Variants in HDAC9 observed in about 807,000 individuals in gnomAD.
HDAC9 encodes MEF-2 interacting transcription repressor (MITR) protein.
In HDAC9, 41 loss-of-function variants were observed where a neutral mutation model predicts 139.4. That is an observed-to-expected ratio of 0.29 (90% CI 0.23 to 0.38). HDAC9 has a LOEUF of 0.38. Ranked by LOEUF, HDAC9 falls within the 10% of genes least tolerant of loss-of-function variation. The pLI, the probability that HDAC9 is intolerant of heterozygous loss-of-function variation, is 1.00. For missense variants in HDAC9, 1,147 were observed against 1,297.0 expected (o/e 0.88, Z 1.78); for synonymous variants, 517 against 476.2 (o/e 1.09, Z -1.12).
chr7:18,278,063 G>C (rs1183250051), intron 2 of HDAC9, among the ~76,000 whole-genome samples: 2 of 152,158 alleles, frequency 1.3e-5, no homozygotes, highest in Non-Finnish European at 2.9e-5. Context: ...GCACCATCTT[G>C]AACTTCCACA....
chr7:18,436,254 G>T (rs1162444648), intron 1 of HDAC9, among the ~76,000 whole-genome samples: 3 of 152,096 alleles, frequency 2.0e-5, no homozygotes, highest in African/African-American at 4.8e-5. Flanking sequence ...TGATTAAGAT[G>T]ATATTTTTAA....
At chr7:18,376,424 C>T (rs1427676768) in intron 1 of HDAC9, among the ~76,000 whole-genome samples, 1 of 152,192 alleles carries the variant, frequency 6.6e-6, no homozygotes, top group East Asian at 1.9e-4. Context: ...CATACTTCCT[C>T]ATGCTTCATA....
At chr7:18,538,248 G>C (rs943108535) in intron 2 of HDAC9, among the ~76,000 whole-genome samples, 8 of 152,016 alleles carry the variant, frequency 5.3e-5, no homozygotes, top group Non-Finnish European at 1.2e-4. Flanking sequence ...GTGTTGTCTG[G>C]TATCCTACTA....
rs576907750 is a variant in HDAC9 at position 18,815,127 on chromosome 7, G to C, written c.2323-14034G>C. ...GATTATTACTCTTATTGTGTGTTAT[G>C]ATCTTCAAAAAGGCTATGAACTTCT... On this transcript the variant is annotated intron_variant, in intron 17 of 25. Coordinates refer to ENST00000686413, the MANE Select transcript of HDAC9 (RefSeq NM_178425.4). 2.6e-5 allele frequency among the ~76,000 whole-genome samples: 4 copies of C among 151,912 alleles called. No homozygotes were observed. In the East Asian group the frequency reaches 7.7e-4, roughly 29 times the overall value.
intron 1 of HDAC9, among the ~76,000 whole-genome samples, chr7:18,365,783 T>G (rs942636125): frequency 6.6e-6 from 1 of 152,114 alleles, no homozygotes; most frequent in Non-Finnish European, 1.5e-5. Flanking sequence ...CAAATTATAG[T>G]TAAGCATTTT....
upstream of HDAC9, among the ~76,000 whole-genome samples, chr7:18,288,819 G>A (rs1448645394): frequency 6.6e-6 from 1 of 152,118 alleles, no homozygotes; most frequent in Non-Finnish European, 1.5e-5. Flanking sequence ...TAGACTGAGA[G>A]GATGATGAAA....
chr7:18,372,237 G>C (rs982466043), intron 1 of HDAC9, among the ~76,000 whole-genome samples: 1 of 152,164 alleles, frequency 6.6e-6, no homozygotes, highest in Admixed American at 6.5e-5. Flanking sequence ...CAGAATCATT[G>C]CAACTGTATG....
intron 1 of HDAC9, among the ~76,000 whole-genome samples, chr7:18,442,227 C>T (rs1791846708): frequency 6.6e-6 from 1 of 152,154 alleles, no homozygotes; most frequent in African/African-American, 2.4e-5. Context: ...TACAGGATTT[C>T]TTTCCGGTCA....
At chr7:18,345,732 T>C (rs965483145) in intron 1 of HDAC9, among the ~76,000 whole-genome samples, 2 of 152,030 alleles carry the variant, frequency 1.3e-5, no homozygotes, top group Non-Finnish European at 2.9e-5. Flanking sequence ...AATCTGATTT[T>C]CACCTTTTAT....
At chr7:18,647,658 AG>A in intron 9 of HDAC9, 126 bp from the exon 10 acceptor site, 1 of 698,852 alleles carries the variant, frequency 1.4e-6, no homozygotes, top group South Asian at 2.3e-5. Flanking sequence ...TTCCCTGCTC[AG>A]CCATTGGGTA....
At position 18,496,250 on chromosome 7, in the gene HDAC9, G is replaced by A; in HGVS notation, c.-41-12G>A. 6.2e-7 allele frequency: 1 copy of A among 1,612,958 alleles called. No individual in the cohort carries two copies. Among genetic ancestry groups the A allele is most frequent in the Non-Finnish European group, 8.5e-7 (1 of 1,179,268 alleles). On this transcript the variant is annotated splice_polypyrimidine_tract_variant and intron_variant, in intron 1 of 25. Coordinates refer to ENST00000686413, the MANE Select transcript of HDAC9 (RefSeq NM_178425.4). ...CAGACAATTTACGAGAGTGACTCCT[G>A]TTTTTCCTCAGATGGGGTGGCTGGA...
At chr7:18,174,823 G>A (rs1788748008) in intron 2 of HDAC9, among the ~76,000 whole-genome samples, 2 of 152,096 alleles carry the variant, frequency 1.3e-5, no homozygotes, top group African/African-American at 4.8e-5. Context: ...CCTTCCTCTG[G>A]AAACTTCATC....
At chr7:18,991,271 A>C (rs190306437) in intron 25 of HDAC9, among the ~76,000 whole-genome samples, 13 of 152,336 alleles carry the variant, frequency 8.5e-5, no homozygotes, top group Non-Finnish European at 4.4e-5. Flanking sequence ...AAAGAACATA[A>C]AACAAAATTC....
intron 1 of HDAC9, among the ~76,000 whole-genome samples, chr7:18,306,528 G>C (rs536276403): frequency 3.9e-5 from 6 of 152,252 alleles, no homozygotes; most frequent in Admixed American, 2.6e-4. Flanking sequence ...GTTTAATTAA[G>C]ACTGAGTAAT....
chr7:18,739,231 T>C (rs1645255448), intron 13 of HDAC9, among the ~76,000 whole-genome samples: 1 of 152,236 alleles, frequency 6.6e-6, no homozygotes, highest in African/African-American at 2.4e-5. Flanking sequence ...CAGAGATGTT[T>C]GTTATTACCA....
chr7:18,205,647 T>C (rs1211496972), intron 2 of HDAC9, among the ~76,000 whole-genome samples: 3 of 152,112 alleles, frequency 2.0e-5, no homozygotes, highest in African/African-American at 7.2e-5. Flanking sequence ...CAAAATAACT[T>C]AGAAAAATTT....
intron 13 of HDAC9, among the ~76,000 whole-genome samples, chr7:18,732,786 CGTGTGTTTGTGTGCGTATGTGT>C (rs1786307041): frequency 3.6e-5 from 3 of 82,198 alleles, no homozygotes; most frequent in South Asian, 4.0e-4. Context: ...TGTACACACA[CGTGTGTTTGTGTGCGTATGTGT>C]ACACACACGT....
chr7:18,679,783 A>G (rs1269125977), intron 12 of HDAC9, among the ~76,000 whole-genome samples: 3 of 151,870 alleles, frequency 2.0e-5, no homozygotes, highest in Non-Finnish European at 4.4e-5. Context: ...ATACTAGGTA[A>G]CGTAAGTGTA....
intron 16 of HDAC9, among the ~76,000 whole-genome samples, chr7:18,775,116 T>C (rs2129167229): frequency 6.6e-6 from 1 of 152,144 alleles, no homozygotes; most frequent in East Asian, 1.9e-4. Flanking sequence ...ACGATATTTA[T>C]CAATTAAGTT....
Sources: allele counts gnomAD v4.1 joint callset (sites outside exome capture counted in the v4.1 genomes callset), GRCh38; gene constraint gnomAD v4.1.1; transcripts MANE v1.5; gene names NCBI Gene and HGNC (gene_info 2026-07-23, HGNC 2026-07-21).